Variants in LNX1 observed in about 807,000 individuals in gnomAD.
The protein encoded by LNX1 is E3 ubiquitin-protein ligase LNX.
LNX1 carries 54 observed loss-of-function variants against 68.4 expected under a neutral mutation model. The observed-to-expected ratio is 0.79, with a 90% CI of 0.63 to 0.99. The LOEUF (loss-of-function observed/expected upper bound fraction) is 0.99, where lower values mean the gene tolerates loss of function less well. Ranked by LOEUF, LNX1 falls within the 50% of genes least tolerant of loss-of-function variation. The probability of loss-of-function intolerance (pLI) is 0.00; values close to 1 mark genes in which losing one functional copy is unlikely to be tolerated. For missense variants in LNX1, 906 were observed against 926.4 expected, an observed-to-expected ratio of 0.98 and a Z score of 0.29; for synonymous variants, 336 against 350.0, an observed-to-expected ratio of 0.96 and a Z score of 0.45.
chr4:53,476,631 A>G, intron 9 of LNX1, 122 bp downstream of exon 9: 2 of 840,054 alleles, frequency 2.4e-6, no homozygotes, highest in Non-Finnish European at 4.0e-6. Context: ...CAGTCCCACA[A>G]CCAAGACTGG....
At chr4:53,523,420 G>C (rs1347107004) in intron 2 of LNX1, 1 of 152,264 alleles carries the variant, frequency 6.6e-6, no homozygotes, top group Non-Finnish European at 1.5e-5. Flanking sequence ...CTGAGTAGTT[G>C]GGACTACAGG....
In LNX1 at chr4:53,496,110, A is replaced by T; in HGVS notation, c.1263T>A (p.Gly421=). 6.2e-7 allele frequency: 1 copy of T among 1,614,074 alleles called. No homozygotes were observed. Among genetic ancestry groups the T allele is most frequent in the South Asian group, 1.1e-5 (1 of 91,074 alleles). The part of the protein sequence containing the change: ...VLDGGVAYRH[G]QLEENDRVLA... ...ACACACGGTCATTCTCCTCAAGCTG[A>T]CCATGTCGATATGCCACACCGCCAT... The change falls in exon 6 of 11, where the codon GGT becomes GGA. Residue 421 remains glycine (G), a synonymous_variant. Coordinates refer to ENST00000263925, the MANE Select transcript of LNX1 (RefSeq NM_001126328.3).
chr4:53,466,269 C>T (rs1722674005), intron 9 of LNX1, among the ~76,000 whole-genome samples: 2 of 152,050 alleles, frequency 1.3e-5, no homozygotes, highest in Non-Finnish European at 2.9e-5. Flanking sequence ...TATAAATAGG[C>T]TACTTCTCTA....
In LNX1 at chr4:53,651,112, C is replaced by T. The variant is rs564441200; in HGVS notation, c.-215+1056G>A. On this transcript the variant is annotated intron_variant, in intron 1 of 2. Coordinates refer to the LNX1 transcript ENST00000507168. The stretch of plus-strand genomic sequence containing the variant: ...AGTAGAACCAAGAATCAAGAACAGA[C>T]AGTCTAATTCCTCAGGCTATGCTCC... 2.1e-4 allele frequency among the ~76,000 whole-genome samples: 32 copies of T among 152,336 alleles called. No individual in the cohort carries two copies. The South Asian group carries it at 6.2e-3, about 30-fold the overall frequency.
chr4:53,587,662 GA>G (rs200713622), intron 1 of LNX1, among the ~76,000 whole-genome samples: 1 of 150,760 alleles, frequency 6.6e-6, no homozygotes, highest in African/African-American at 2.4e-5. Context: ...AGAGTGAAAG[GA>G]AAAAAAAAGT....
chr4:53,595,220 T>A (rs1197800054), upstream of LNX1, among the ~76,000 whole-genome samples: 1 of 152,074 alleles, frequency 6.6e-6, no homozygotes, highest in African/African-American at 2.4e-5. Context: ...ATAGCAGATA[T>A]CTGTTGGGGA....
chr4:53,581,566 G>T (rs1331836960), intron 1 of LNX1, among the ~76,000 whole-genome samples: 1 of 152,202 alleles, frequency 6.6e-6, no homozygotes, highest in Non-Finnish European at 1.5e-5. Flanking sequence ...ATGGCGGAAG[G>T]TGAAGGAGGA....
chr4:53,513,376 C>T (rs146318552), intron 2 of LNX1, among the ~76,000 whole-genome samples: 8 of 152,180 alleles, frequency 5.3e-5, no homozygotes, highest in Non-Finnish European at 8.8e-5. Context: ...ATGCCTTGTC[C>T]GAGTTCAGAG....
chr4:53,516,253 A>G (rs1489460723), intron 2 of LNX1, among the ~76,000 whole-genome samples: 1 of 152,170 alleles, frequency 6.6e-6, no homozygotes, highest in Non-Finnish European at 1.5e-5. Context: ...CTCTTTTAAA[A>G]AAAGAATCAC....
chr4:53,607,697 G>A (rs1033165364), intron 2 of LNX1, among the ~76,000 whole-genome samples: 1 of 152,106 alleles, frequency 6.6e-6, no homozygotes, highest in African/African-American at 2.4e-5. Context: ...AAAGCTGGAG[G>A]CATCATATTA....
In LNX1 at chr4:53,521,711, G is replaced by A. The variant is rs140967287; in HGVS notation, c.381-13484C>T. Among the ~76,000 whole-genome samples the A allele has an allele frequency of 4.3e-4, 66 of 152,288 alleles. No homozygotes were observed. In the East Asian group the frequency reaches 0.01, roughly 23 times the overall value. ...ATGCAAACGAAGGGGGAAAGGAGGG[G>A]ATGCTTTTCCTGTTTGCAGGAAATG... is the stretch of plus-strand genomic sequence containing the variant. On this transcript the variant is annotated intron_variant, in intron 2 of 10. Transcript: ENST00000263925.
chr4:53,622,221 T>C (rs1417456042), upstream of LNX1, among the ~76,000 whole-genome samples: 1 of 152,210 alleles, frequency 6.6e-6, no homozygotes, highest in African/African-American at 2.4e-5. Flanking sequence ...GTATGTCATA[T>C]GCCAGGAAAA....
intron 2 of LNX1, among the ~76,000 whole-genome samples, chr4:53,541,546 T>C (rs1728766864): frequency 6.6e-6 from 1 of 152,048 alleles, no homozygotes; most frequent in African/African-American, 2.4e-5. Context: ...TTATATCAAA[T>C]GGAAAAAGCA....
At chr4:53,542,802 G>A (rs758451765) in intron 2 of LNX1, among the ~76,000 whole-genome samples, 6 of 152,068 alleles carry the variant, frequency 3.9e-5, no homozygotes, top group Non-Finnish European at 5.9e-5. Context: ...ATCTGTATTC[G>A]GAACACGTGA....
chr4:53,471,758 A>G (rs1345291277), intron 9 of LNX1, among the ~76,000 whole-genome samples: 1 of 152,248 alleles, frequency 6.6e-6, no homozygotes, highest in Non-Finnish European at 1.5e-5. Context: ...ACTGGCCATC[A>G]GAGAAATGCA....
chr4:53,556,449 A>G (rs1348365982), intron 2 of LNX1, among the ~76,000 whole-genome samples: 1 of 152,182 alleles, frequency 6.6e-6, no homozygotes, highest in African/African-American at 2.4e-5. Flanking sequence ...CAGCCCTAGG[A>G]AACCAACATA....
chr4:53,591,850 T>G (rs1732522562), upstream of LNX1: 2 of 152,166 alleles, frequency 1.3e-5, no homozygotes, highest in Non-Finnish European at 2.9e-5. Context: ...AAGGGAAGTT[T>G]AAACACCAAA....
In LNX1 at chr4:53,588,932, G is replaced by A. The variant is rs573447926; in HGVS notation, c.-87+2456C>T. Among the ~76,000 whole-genome samples, 3 of 152,282 alleles carry A rather than the reference G, an allele frequency of 2.0e-5. No individual in the cohort carries two copies. The East Asian group carries it at 5.8e-4, about 29-fold the overall frequency. Reference sequence around the variant, plus strand: ...AAGGGCACAGGGTATTGCATGACAAGGCCAATCACATCCAATGGGTCATGA... The same window carrying A: ...AAGGGCACAGGGTATTGCATGACAAAGCCAATCACATCCAATGGGTCATGA... On this transcript the variant is annotated intron_variant, in intron 1 of 10. Coordinates refer to ENST00000263925, the MANE Select transcript of LNX1 (RefSeq NM_001126328.3).
chr4:53,597,993 T>C (rs1381387000), intron 2 of LNX1, among the ~76,000 whole-genome samples: 3 of 152,156 alleles, frequency 2.0e-5, no homozygotes, highest in Non-Finnish European at 4.4e-5. Context: ...AAAAATCCCA[T>C]GAACTAACTA....
Sources: allele counts gnomAD v4.1 joint callset (sites outside exome capture counted in the v4.1 genomes callset), GRCh38; gene constraint gnomAD v4.1.1; transcripts MANE v1.5; gene names NCBI Gene and HGNC (gene_info 2026-07-23, HGNC 2026-07-21).